Variants in SHOC2 observed in about 807,000 individuals in gnomAD.
The protein encoded by SHOC2 is SHOC2 leucine rich repeat scaffold protein.
SHOC2 carries 4 observed loss-of-function variants against 50.2 expected under a neutral mutation model. The ratio of observed to expected loss-of-function variants is 0.08; its 90% confidence interval spans 0.04 to 0.18. The LOEUF is 0.18. Among genes scored for constraint, SHOC2 ranks in the 10% least tolerant of loss-of-function variants. SHOC2 has a pLI of 1.00. For synonymous variants in SHOC2, 218 were observed against 244.5 expected (o/e 0.89, Z 1.01); for missense variants, 388 against 669.6 (o/e 0.58, Z 4.64).
At chr10:110,919,397 C>T (rs1846550537), upstream of SHOC2, 1 of 391,386 alleles carries the variant, frequency 2.6e-6, no homozygotes, top group African/African-American at 2.1e-5. Context: ...GAGAGAGAAG[C>T]TGGCGGCACT....
chr10:110,942,186 T>C (rs1325245210), intron 1 of SHOC2, among the ~76,000 whole-genome samples: 2 of 152,210 alleles, frequency 1.3e-5, no homozygotes, highest in East Asian at 3.8e-4. Context: ...TATCATACAG[T>C]ATTAAATAAA....
chr10:110,930,794 G>A (rs1846881413), intron 1 of SHOC2, among the ~76,000 whole-genome samples: 2 of 123,172 alleles, frequency 1.6e-5, no homozygotes, highest in Non-Finnish European at 3.3e-5. Context: ...ATAATGTTTG[G>A]TCATTTACCA....
At chr10:111,010,272 T>A (rs1848542525) in intron 8 of SHOC2, among the ~76,000 whole-genome samples, 1 of 152,230 alleles carries the variant, frequency 6.6e-6, no homozygotes, top group African/African-American at 2.4e-5. Context: ...TTCCATTATT[T>A]TATGTAATAT....
intron 1 of SHOC2, among the ~76,000 whole-genome samples, chr10:110,955,138 T>C (rs1590797479): frequency 1.3e-5 from 2 of 152,244 alleles, no homozygotes; most frequent in South Asian, 4.1e-4. Flanking sequence ...GGATAAAAAG[T>C]GCTTTGTTCA....
chr10:110,930,735 C>CTTTTTTTTTTTTTTTT (rs772553111), intron 1 of SHOC2, among the ~76,000 whole-genome samples: 20 of 96,798 alleles, frequency 2.1e-4, no homozygotes, highest in East Asian at 7.6e-4. Context: ...ACGAGTAAAT[C>CTTTTTTTTTTTTTTTT]TTTTTTTTTT....
chr10:110,953,483 C>T (rs746814829), intron 1 of SHOC2, among the ~76,000 whole-genome samples: 30 of 151,992 alleles, frequency 2.0e-4, no homozygotes, highest in Non-Finnish European at 3.2e-4. Flanking sequence ...TTCATTTTAG[C>T]GCTGATTAAT....
chr10:110,984,868 T>G (rs1848048517), intron 2 of SHOC2, among the ~76,000 whole-genome samples: 1 of 152,152 alleles, frequency 6.6e-6, no homozygotes, highest in Non-Finnish European at 1.5e-5. Context: ...AAAGCATATA[T>G]GAGATTTCAT....
intron 1 of SHOC2, among the ~76,000 whole-genome samples, chr10:110,959,095 AGAATT>A (rs1158731392): frequency 6.6e-6 from 1 of 152,248 alleles, no homozygotes; most frequent in Non-Finnish European, 1.5e-5. Flanking sequence ...AAAAAAATGA[AGAATT>A]TATTATACAT....
At chr10:110,986,371 A>G (rs867504867) in intron 3 of SHOC2, among the ~76,000 whole-genome samples, 32 of 152,328 alleles carry the variant, frequency 2.1e-4, no homozygotes, top group Admixed American at 4.6e-4. Flanking sequence ...ATGCCTTTTT[A>G]GTTATTAATG....
At chr10:110,920,637 G>T (rs1015095817) in intron 1 of SHOC2, among the ~76,000 whole-genome samples, 3 of 152,206 alleles carry the variant, frequency 2.0e-5, no homozygotes, top group African/African-American at 7.2e-5. Context: ...CTAGAAAGAA[G>T]ATGCTTTGTG....
chr10:110,919,618 A>C lies in SHOC2; in HGVS notation c.-274A>C. 5.0e-6 allele frequency: 2 copies of C among 397,312 alleles called. No homozygotes were observed. Among genetic ancestry groups the C allele is most frequent in the South Asian group, 1.3e-4 (1 of 7,794 alleles). The allele number at this position is 397,312 out of a possible 1,614,324, so 24.6% of individuals were successfully genotyped here. A position where few individuals can be genotyped will look rare whatever the true frequency, so the allele number is the denominator to read the frequency against. ...AGGAGGAGGAGGAAGAGGAGGAAGG[A>C]GGGCGAGCGAGGAGGATGGCGGAGT... On this transcript the variant is annotated 5_prime_UTR_variant, in exon 1 of 9. Coordinates refer to ENST00000369452, the MANE Select transcript of SHOC2 (RefSeq NM_007373.4).
chr10:110,945,675 C>T (rs1847233138), intron 1 of SHOC2, among the ~76,000 whole-genome samples: 1 of 152,156 alleles, frequency 6.6e-6, no homozygotes, highest in African/African-American at 2.4e-5. Flanking sequence ...CTCTCCCTAT[C>T]TCCACCCCAA....
rs111608815 is a variant in SHOC2 at position 110,983,879 on chromosome 10, A to G, written c.704-1749A>G. Among the ~76,000 whole-genome samples, 286 of 152,354 alleles carry G rather than the reference A, an allele frequency of 1.9e-3. 1 individual carries two copies. The highest frequency in any genetic ancestry group is 5.8e-3 in the African/African-American group (242 of 41,586). ...TCAAGTCTGTATAATACTCCGTTAT[A>G]TAAACATACCACATTTTGGTTATTC... On this transcript the variant is annotated intron_variant, in intron 2 of 8. Transcript: ENST00000369452.
At position 110,998,939 on chromosome 10, in the gene SHOC2, G is replaced by T. The variant is rs1355520545; in HGVS notation, c.842-1476G>T. Reference sequence around the variant, plus strand: ...GTGTCAAGGCTTAACTTATGCTATAGACTAATGTATGTTTTCTGTAAGTAT... The same window carrying T: ...GTGTCAAGGCTTAACTTATGCTATATACTAATGTATGTTTTCTGTAAGTAT... On this transcript the variant is annotated intron_variant, in intron 3 of 8. Transcript: ENST00000369452. 3.9e-5 allele frequency among the ~76,000 whole-genome samples: 6 copies of T among 152,328 alleles called. No individual in the cohort carries two copies. The East Asian group carries it at 1.2e-3, about 29-fold the overall frequency.
intron 1 of SHOC2, among the ~76,000 whole-genome samples, chr10:110,949,519 A>G (rs891154521): frequency 6.6e-6 from 1 of 152,138 alleles, no homozygotes; most frequent in African/African-American, 2.4e-5. Context: ...TAAAGAAGAC[A>G]TAGCACAAGT....
chr10:111,005,186 A>G (rs1261499420), intron 5 of SHOC2, among the ~76,000 whole-genome samples: 21 of 152,106 alleles, frequency 1.4e-4, no homozygotes, highest in Admixed American at 1.4e-3. Flanking sequence ...GGGCAGGAGG[A>G]TGGCTTGAGC....
chr10:111,000,611 T>A, intron 4 of SHOC2, 66 bp downstream of exon 4: 1 of 1,358,604 alleles, frequency 7.4e-7, no homozygotes, highest in Non-Finnish European at 1.0e-6. Flanking sequence ...GGAAAGCTAG[T>A]AAATCTTTAT....
chr10:110,956,278 G>C (rs1847460574), intron 1 of SHOC2, among the ~76,000 whole-genome samples: 1 of 152,060 alleles, frequency 6.6e-6, no homozygotes, highest in Admixed American at 6.5e-5. Flanking sequence ...AGTGGCTGGA[G>C]TCTCGGCTCA....
At chr10:110,935,658 A>G (rs1442206503) in intron 1 of SHOC2, among the ~76,000 whole-genome samples, 44 of 152,144 alleles carry the variant, frequency 2.9e-4, no homozygotes, top group Admixed American at 2.9e-3. Flanking sequence ...CAATGAATGT[A>G]TTTAGCTAAT....
Sources: allele counts gnomAD v4.1 joint callset (sites outside exome capture counted in the v4.1 genomes callset), GRCh38; gene constraint gnomAD v4.1.1; transcripts MANE v1.5; gene names NCBI Gene and HGNC (gene_info 2026-07-23, HGNC 2026-07-21).